Variants in TRPM3 observed in about 807,000 individuals in gnomAD.
The protein encoded by TRPM3 is transient receptor potential cation channel subfamily M member 3.
Under a neutral mutation model 181.2 loss-of-function variants are expected in TRPM3, and 77 were observed. The observed-to-expected ratio is 0.42, with a 90% confidence interval of 0.35 to 0.51. The LOEUF is 0.51. Among genes scored for constraint, TRPM3 ranks in the 20% least tolerant of loss-of-function variants. The probability of loss-of-function intolerance (pLI) is 0.01; values close to 1 mark genes in which losing one functional copy is unlikely to be tolerated. For missense variants in TRPM3, 1,759 were observed against 2,196.7 expected (o/e 0.80, Z 3.98); for synonymous variants, 745 against 796.4 (o/e 0.94, Z 1.09).
At position 70,930,575 on chromosome 9, in the gene TRPM3, T is replaced by C. The variant is rs140625582; in HGVS notation, c.178-66064A>G. On this transcript the variant is annotated intron_variant, in intron 1 of 25. Coordinates refer to ENST00000677713, the MANE Select transcript of TRPM3 (RefSeq NM_001366145.2). ...ATTTGGGCTCACAATAAGTAAAATG[T>C]TAAGGATAGAGTACTACACTGGATC... Among the ~76,000 whole-genome samples, 345 of 152,294 alleles carry C rather than the reference T, an allele frequency of 2.3e-3. 4 individuals are homozygous for C. The highest frequency in any genetic ancestry group is 3.5e-3 in the Non-Finnish European group (238 of 68,020).
intron 1 of TRPM3, among the ~76,000 whole-genome samples, chr9:71,360,996 ATT>A (rs1443976416): frequency 6.6e-6 from 1 of 152,146 alleles, no homozygotes; most frequent in Non-Finnish European, 1.5e-5. Context: ...TTAAATTTTT[ATT>A]TATTTTCAGA....
At chr9:70,636,707 T>G (rs1036506317) in intron 11 of TRPM3, among the ~76,000 whole-genome samples, 1 of 151,370 alleles carries the variant, frequency 6.6e-6, no homozygotes, top group Non-Finnish European at 1.5e-5. Flanking sequence ...TTTTTTTTTT[T>G]TAGTTAGTCT....
At chr9:70,796,729 A>G (rs2131126942) in intron 6 of TRPM3, among the ~76,000 whole-genome samples, 1 of 152,328 alleles carries the variant, frequency 6.6e-6, no homozygotes, top group Non-Finnish European at 1.5e-5. Context: ...AACAGAGCAG[A>G]GATGTCTAGG....
At chr9:71,401,355 C>T (rs2093338344) in intron 1 of TRPM3, among the ~76,000 whole-genome samples, 1 of 152,094 alleles carries the variant, frequency 6.6e-6, no homozygotes, top group Non-Finnish European at 1.5e-5. Context: ...ACTCAGGCAA[C>T]TGGAAAATCT....
rs185337517 is a variant in TRPM3 at position 70,864,621 on chromosome 9, T to C, written c.178-110A>G. The C allele has an allele frequency of 8.3e-3, 4,872 of 583,710 alleles. 30 individuals carry two copies. The highest frequency in any genetic ancestry group is 0.02 in the South Asian group (416 of 20,518). The allele number at this position is 583,710 out of a possible 1,614,324, so 36.2% of individuals were successfully genotyped here. A position where few individuals can be genotyped will look rare whatever the true frequency, so the allele number is the denominator to read the frequency against. On this transcript the variant is annotated intron_variant, in intron 1 of 25. Coordinates refer to ENST00000677713, the MANE Select transcript of TRPM3 (RefSeq NM_001366145.2). Reference sequence around the variant, plus strand: ...ATTTCATAATCACATAAGAGACTAGTATATCACAAATTGAACTGAAATTGT... The same window carrying C: ...ATTTCATAATCACATAAGAGACTAGCATATCACAAATTGAACTGAAATTGT...
chr9:70,672,897 C>T (rs1048669712), intron 9 of TRPM3, among the ~76,000 whole-genome samples: 2 of 151,962 alleles, frequency 1.3e-5, no homozygotes, highest in South Asian at 4.2e-4. Flanking sequence ...GGTAAGTGTG[C>T]CGAGAATTTT....
chr9:70,579,657 C>G (rs1382661291), intron 22 of TRPM3, among the ~76,000 whole-genome samples: 1 of 152,110 alleles, frequency 6.6e-6, no homozygotes, highest in Non-Finnish European at 1.5e-5. Context: ...AGCCCGTGCC[C>G]GCAGACTGAA....
chr9:71,054,615 T>G (rs2060452109), intron 1 of TRPM3, among the ~76,000 whole-genome samples: 1 of 152,160 alleles, frequency 6.6e-6, no homozygotes, highest in Non-Finnish European at 1.5e-5. Context: ...TTATTGAATA[T>G]TGACTGAAGG....
At chr9:70,570,719 A>C (rs1195491780) in intron 22 of TRPM3, among the ~76,000 whole-genome samples, 1 of 152,200 alleles carries the variant, frequency 6.6e-6, no homozygotes, top group African/African-American at 2.4e-5. Flanking sequence ...TCGGGTTATT[A>C]TGACACGACC....
Position 71,226,071 on chromosome 9 carries a change from G to GT in TRPM3, c.183+220581dup, listed in dbSNP as rs369751875. On this transcript the variant is annotated intron_variant, in intron 1 of 24. Transcript: ENST00000357533. Reference sequence around the variant, plus strand: ...GGGAGATGAAGTTATAGAGTTTTTAGTTTTTTTTTGTGGTTTATGCAATCA... The same window carrying GT: ...GGGAGATGAAGTTATAGAGTTTTTAGTTTTTTTTTTGTGGTTTATGCAATCA... Among the ~76,000 whole-genome samples, 273 of 122,066 alleles carry GT rather than the reference G, an allele frequency of 2.2e-3. 2 individuals are homozygous for GT. The highest frequency in any genetic ancestry group is 4.1e-3 in the African/African-American group (136 of 33,372). 80.1% of individuals were successfully genotyped at this position (122,066 alleles called of 152,430 possible).
chr9:71,254,772 G>A (rs901405170), intron 1 of TRPM3, among the ~76,000 whole-genome samples: 25 of 152,036 alleles, frequency 1.6e-4, no homozygotes, highest in African/African-American at 5.8e-4. Flanking sequence ...ATGTGTACAT[G>A]ATAAGATCAA....
chr9:71,407,694 C>T (rs1004547983), intron 1 of TRPM3, among the ~76,000 whole-genome samples: 12 of 152,216 alleles, frequency 7.9e-5, no homozygotes, highest in Admixed American at 3.3e-4. Flanking sequence ...CAGACTTAAA[C>T]GTCCCTGTCT....
intron 1 of TRPM3, among the ~76,000 whole-genome samples, chr9:71,105,892 A>G (rs72731780): frequency 0.09 from 13,626 of 152,230 alleles, 699 homozygotes; most frequent in African/African-American, 0.14. Context: ...GGAGAAGGTC[A>G]TTAAAGAACT....
chr9:70,811,192 AC>A, intron 6 of TRPM3: 1 of 1,612,664 alleles, frequency 6.2e-7, no homozygotes, highest in Non-Finnish European at 8.5e-7. Context: ...ACTGGCAACT[AC>A]CCCAAAATGA....
intron 1 of TRPM3, among the ~76,000 whole-genome samples, chr9:70,877,141 C>T (rs985251202): frequency 2.0e-5 from 3 of 152,034 alleles, no homozygotes; most frequent in South Asian, 2.1e-4. Context: ...CATTTCATCT[C>T]CCACACTCCA....
chr9:71,342,399 GTAGAA>G (rs2091020521), intron 1 of TRPM3, among the ~76,000 whole-genome samples: 1 of 150,946 alleles, frequency 6.6e-6, no homozygotes, highest in African/African-American at 2.4e-5. Context: ...GAAAAGACTG[GTAGAA>G]TAATTATGAT....
chr9:70,790,172 T>C (rs1186712313), intron 6 of TRPM3, among the ~76,000 whole-genome samples: 1 of 152,168 alleles, frequency 6.6e-6, no homozygotes, highest in African/African-American at 2.4e-5. Context: ...CCACAGATGA[T>C]CTAAAGTGCG....
rs556048485 is a variant in TRPM3, at chr9:71,013,465, G to GT, written c.177+107712dup. On this transcript the variant is annotated intron_variant, in intron 1 of 25. Coordinates refer to ENST00000677713, the MANE Select transcript of TRPM3 (RefSeq NM_001366145.2). ...GTGAGAATACTTTGGAAGCTTTTGG[G>GT]TTTTTTTTTGTATTTCTATGCTGTG... Among the ~76,000 whole-genome samples the GT allele has an allele frequency of 1.0e-3, 151 of 150,750 alleles. 1 individual carries two copies. The highest frequency in any genetic ancestry group is 4.8e-3 in the South Asian group (23 of 4,758).
intron 1 of TRPM3, among the ~76,000 whole-genome samples, chr9:71,378,895 AAC>A (rs2092727185): frequency 1.3e-5 from 2 of 152,010 alleles, no homozygotes; most frequent in Admixed American, 6.6e-5. Context: ...CTATCTCTGA[AAC>A]ACAGTGATAT....
Sources: gnomAD v4.1 joint callset for allele counts (sites outside exome capture counted in the v4.1 genomes callset) on GRCh38, gnomAD v4.1.1 for gene constraint, MANE v1.5 for transcripts, NCBI Gene and HGNC (gene_info 2026-07-23, HGNC 2026-07-21) for gene names.